Variants in CRISP1 observed in about 807,000 individuals in gnomAD.
The protein encoded by CRISP1 is cysteine rich secretory protein 1, also known as cysteine-rich secretory protein 1.
In CRISP1, 44 loss-of-function variants were observed where a neutral mutation model predicts 33.1. The ratio of observed to expected loss-of-function variants is 1.33; its 90% confidence interval spans 1.05 to 1.71. The LOEUF (loss-of-function observed/expected upper bound fraction) is 1.71. CRISP1 is among the 40% of genes most tolerant of loss of function. CRISP1 has a pLI of 0.00. For missense variants in CRISP1, 390 were observed against 301.2 expected, an observed-to-expected ratio of 1.29 and a Z score of -2.18; for synonymous variants, 103 against 98.7, an observed-to-expected ratio of 1.04 and a Z score of -0.26.
intron 7 of CRISP1, 40 bp from the exon 8 acceptor site, chr6:49,835,483 A>C: frequency 6.3e-7 from 1 of 1,597,770 alleles, no homozygotes; most frequent in Non-Finnish European, 8.5e-7. Context: ...CAGTCTTTTA[A>C]AAATCGCATT....
At chr6:49,849,613 A>G (rs1771288469) in intron 3 of CRISP1, among the ~76,000 whole-genome samples, 1 of 152,152 alleles carries the variant, frequency 6.6e-6, no homozygotes, top group South Asian at 2.1e-4. Context: ...CATATAACAG[A>G]TTGCCAACAG....
chr6:49,861,257 C>T (rs569169196), intron 1 of CRISP1, among the ~76,000 whole-genome samples: 2 of 152,140 alleles, frequency 1.3e-5, no homozygotes, highest in Non-Finnish European at 2.9e-5. Context: ...GCTGCCATTA[C>T]TCTGATACCA....
intron 6 of CRISP1, among the ~76,000 whole-genome samples, chr6:49,840,260 A>C (rs1009201668): frequency 2.0e-5 from 3 of 152,194 alleles, no homozygotes; most frequent in African/African-American, 7.2e-5. Context: ...CTTGCTTCAT[A>C]ATCACAGTTG....
At chr6:49,870,667 C>A (rs115122137), upstream of CRISP1, among the ~76,000 whole-genome samples, 2 of 152,152 alleles carry the variant, frequency 1.3e-5, no homozygotes, top group South Asian at 4.1e-4. Context: ...TTGTGAGACT[C>A]ACCCAAATTT....
intron 5 of CRISP1, among the ~76,000 whole-genome samples, chr6:49,844,563 TGAGGCTGCCTCACTGAGCTAAAGGGAA>T (rs530117526): frequency 3.4e-5 from 5 of 148,988 alleles, no homozygotes; most frequent in African/African-American, 4.9e-5. Flanking sequence ...AGTCATTTGA[TGAGGCTGCCTCACTGAGCTAAAGGGAA>T]GAGGCTGCCT....
intron 7 of CRISP1, among the ~76,000 whole-genome samples, chr6:49,837,844 C>T (rs1476146961): frequency 6.7e-6 from 1 of 150,154 alleles, no homozygotes; most frequent in African/African-American, 2.4e-5. Context: ...AGGGAATAAA[C>T]AGAAATGGCA....
At chr6:49,864,541 C>T (rs1302423650) in intron 1 of CRISP1, among the ~76,000 whole-genome samples, 1 of 151,928 alleles carries the variant, frequency 6.6e-6, no homozygotes, top group Non-Finnish European at 1.5e-5. Context: ...AATCATACTT[C>T]CATCAGCTTC....
At chr6:49,864,879 T>C (rs1034866225) in intron 1 of CRISP1, among the ~76,000 whole-genome samples, 1 of 152,172 alleles carries the variant, frequency 6.6e-6, no homozygotes, top group African/African-American at 2.4e-5. Flanking sequence ...TTGTAGCTTT[T>C]GTTAAACAAA....
chr6:49,848,132 C>T, intron 4 of CRISP1, 77 bp downstream of exon 4: 1 of 776,822 alleles, frequency 1.3e-6, no homozygotes. Context: ...TTACTTTCAT[C>T]AGGGTACATA....
intron 5 of CRISP1, 47 bp from the exon 6 acceptor site, chr6:49,841,042 A>C: frequency 7.0e-7 from 1 of 1,433,710 alleles, no homozygotes; most frequent in Non-Finnish European, 9.8e-7. Flanking sequence ...TATTTTACTA[A>C]ATGACTATAA....
chr6:49,849,752 C>T (rs1012779736), intron 3 of CRISP1, among the ~76,000 whole-genome samples: 18 of 151,902 alleles, frequency 1.2e-4, no homozygotes, highest in African/African-American at 4.4e-4. Context: ...GTATTTGCTG[C>T]CATCTTGTGG....
chr6:49,855,684 G>C (rs1771474808), intron 2 of CRISP1, among the ~76,000 whole-genome samples: 1 of 152,036 alleles, frequency 6.6e-6, no homozygotes, highest in African/African-American at 2.4e-5. Context: ...ACATCTACCA[G>C]ATTGTCATGG....
intron 1 of CRISP1, among the ~76,000 whole-genome samples, chr6:49,862,829 A>ATG: frequency 6.6e-6 from 1 of 151,018 alleles, no homozygotes; most frequent in Non-Finnish European, 1.5e-5. Flanking sequence ...AAAAAAAAAC[A>ATG]AAACAAAACT....
chr6:49,840,873 T>C, intron 6 of CRISP1, 25 bp downstream of exon 6: 1 of 1,564,826 alleles, frequency 6.4e-7, no homozygotes, highest in South Asian at 1.1e-5. Flanking sequence ...GGGGGATATA[T>C]ATTTTAAAAA....
chr6:49,838,396 A>G (rs1467130182), intron 7 of CRISP1, 41 bp downstream of exon 7: 1 of 1,401,760 alleles, frequency 7.1e-7, no homozygotes. Context: ...TTCCCAGATC[A>G]ATGGGTTAAC....
chr6:49,853,130 G>T (rs919233059), intron 2 of CRISP1, among the ~76,000 whole-genome samples: 1 of 152,066 alleles, frequency 6.6e-6, no homozygotes, highest in Admixed American at 6.6e-5. Flanking sequence ...GACTGTCTCT[G>T]TGGACATACT....
intron 1 of CRISP1, among the ~76,000 whole-genome samples, chr6:49,874,553 G>A (rs1327059968): frequency 1.3e-5 from 2 of 151,984 alleles, no homozygotes; most frequent in Non-Finnish European, 2.9e-5. Flanking sequence ...ATTATTTTAT[G>A]AGGCCAGCAT....
At chr6:49,856,292 G>T (rs554511748) in intron 2 of CRISP1, among the ~76,000 whole-genome samples, 2 of 152,250 alleles carry the variant, frequency 1.3e-5, no homozygotes, top group South Asian at 4.1e-4. Context: ...CTGACTGTTT[G>T]CCCTTTTCCC....
chr6:49,849,357 T>C (rs1027303528), intron 3 of CRISP1, among the ~76,000 whole-genome samples: 1 of 152,174 alleles, frequency 6.6e-6, no homozygotes, highest in Non-Finnish European at 1.5e-5. Context: ...GAGACACAGC[T>C]GCTGCCTGTT....
Sources: allele counts gnomAD v4.1 joint callset (sites outside exome capture counted in the v4.1 genomes callset), GRCh38; gene constraint gnomAD v4.1.1; transcripts MANE v1.5; gene names NCBI Gene and HGNC (gene_info 2026-07-23, HGNC 2026-07-21).